PPP3CA: variants seen among roughly 807,000 people sequenced by gnomAD.
PPP3CA encodes the protein protein phosphatase 3 catalytic subunit alpha, also known as CAM-PRP catalytic subunit.
A neutral mutation model predicts 66.5 loss-of-function variants in PPP3CA; 14 were observed. That is an observed-to-expected ratio of 0.21 (90% CI 0.14 to 0.33). The LOEUF (loss-of-function observed/expected upper bound fraction) is 0.33, where lower values mean the gene tolerates loss of function less well. PPP3CA is among the 10% of genes least tolerant of loss of function. PPP3CA has a pLI of 1.00. For synonymous variants in PPP3CA, 232 were observed against 226.2 expected, an observed-to-expected ratio of 1.03 and a Z score of -0.23; for missense variants, 317 against 639.5, an observed-to-expected ratio of 0.50 and a Z score of 5.44.
intron 3 of PPP3CA, among the ~76,000 whole-genome samples, chr4:101,105,444 T>A (rs534821399): frequency 2.6e-5 from 4 of 151,318 alleles, no homozygotes; most frequent in African/African-American, 7.3e-5. Flanking sequence ...AGATTACAGG[T>A]TGAGCCACCA....
chr4:101,175,019 C>T (rs1724013592), intron 2 of PPP3CA, among the ~76,000 whole-genome samples: 4 of 152,012 alleles, frequency 2.6e-5, no homozygotes, highest in Admixed American at 2.6e-4. Flanking sequence ...TAAGGTAAGA[C>T]TTAAAGTCCC....
At chr4:101,144,715 T>A (rs1289205465) in intron 2 of PPP3CA, among the ~76,000 whole-genome samples, 1 of 152,186 alleles carries the variant, frequency 6.6e-6, no homozygotes, top group Non-Finnish European at 1.5e-5. Context: ...ATATAAATGA[T>A]CAACAAACAT....
intron 1 of PPP3CA, among the ~76,000 whole-genome samples, chr4:101,300,313 G>A (rs996075127): frequency 6.6e-6 from 1 of 152,092 alleles, no homozygotes. Flanking sequence ...TATAAAACAG[G>A]TTTAGTCAGA....
At chr4:101,041,643 A>G (rs1727527703) in intron 10 of PPP3CA, among the ~76,000 whole-genome samples, 1 of 152,008 alleles carries the variant, frequency 6.6e-6, no homozygotes. Flanking sequence ...CAGGTTGGTC[A>G]GGCTGGTCTC....
intron 11 of PPP3CA, among the ~76,000 whole-genome samples, chr4:101,038,694 G>A (rs1560573543): frequency 6.6e-6 from 1 of 151,970 alleles, no homozygotes; most frequent in Non-Finnish European, 1.5e-5. Context: ...TTAGTTTATT[G>A]TCTATCTGGC....
chr4:101,201,895 T>C lies in PPP3CA; in HGVS notation c.59-5779A>G, dbSNP rs140829673. 2.4e-3 allele frequency among the ~76,000 whole-genome samples: 359 copies of C among 152,274 alleles called. 1 individual carries two copies. Among genetic ancestry groups the C allele is most frequent in the African/African-American group, 8.4e-3 (348 of 41,552 alleles). The stretch of plus-strand genomic sequence containing the variant: ...TAATCAATCAACCAGCAGCACCTAT[T>C]AGGCACCAACTATGCACTGTATCCC... On this transcript the variant is annotated intron_variant, in intron 1 of 13. Coordinates refer to ENST00000394854, the MANE Select transcript of PPP3CA (RefSeq NM_000944.5).
intron 5 of PPP3CA, among the ~76,000 whole-genome samples, chr4:101,094,199 C>T (rs1344214545): frequency 2.6e-5 from 4 of 152,158 alleles, no homozygotes; most frequent in African/African-American, 7.2e-5. Flanking sequence ...CTCTAGATTT[C>T]GCAGTTTCTC....
At chr4:101,027,815 T>C (rs1726730377) in intron 13 of PPP3CA, among the ~76,000 whole-genome samples, 1 of 152,166 alleles carries the variant, frequency 6.6e-6, no homozygotes, top group Non-Finnish European at 1.5e-5. Flanking sequence ...ACTTCTGGAA[T>C]GGGGCTCCAT....
intron 3 of PPP3CA, among the ~76,000 whole-genome samples, chr4:101,105,168 C>CTT (rs1378147435): frequency 1.4e-5 from 2 of 143,050 alleles, no homozygotes; most frequent in Admixed American, 7.0e-5. Flanking sequence ...CTTTTTTTTC[C>CTT]TTTTTTTTTT....
At chr4:101,283,592 C>T (rs1275338234) in intron 1 of PPP3CA, among the ~76,000 whole-genome samples, 3 of 152,124 alleles carry the variant, frequency 2.0e-5, no homozygotes, top group African/African-American at 4.8e-5. Context: ...TGTGGCAAAC[C>T]GCTCTTAAGA....
At position 101,346,952 on chromosome 4, in the gene PPP3CA, G is replaced by A; in HGVS notation, c.-156C>T. 1.2e-6 allele frequency: 1 copy of A among 826,098 alleles called. No individual in the cohort carries two copies. The highest frequency in any genetic ancestry group is 1.9e-6 in the Non-Finnish European group (1 of 528,326). The allele number at this position is 826,098 out of a possible 1,614,324, so 51.2% of individuals were successfully genotyped here. ...GTCTAGGCTCTGAGCTGGCTTTAAA[G>A]TTGCTGCCTTTTCCGCGCGTCCCTC... is the stretch of plus-strand genomic sequence containing the variant. On this transcript the variant is annotated 5_prime_UTR_variant, in exon 1 of 14. Transcript: ENST00000394854.
chr4:101,089,288 G>A lies in PPP3CA; in HGVS notation c.782+4488C>T, dbSNP rs888010635. Among the ~76,000 whole-genome samples the A allele has an allele frequency of 5.9e-5, 9 of 151,910 alleles. No individual in the cohort carries two copies. The South Asian group carries it at 1.5e-3, about 25-fold the overall frequency. On this transcript the variant is annotated intron_variant, in intron 6 of 13. Transcript: ENST00000394854. ...AGAGGCATCAGGAAGAGAAGGGATCGCCCTGACAAGTCAGAGGAGAATCAG... is the reference window on the plus strand; with the variant it reads ...AGAGGCATCAGGAAGAGAAGGGATCACCCTGACAAGTCAGAGGAGAATCAG...
At chr4:101,319,990 AC>A (rs1017374546) in intron 1 of PPP3CA, among the ~76,000 whole-genome samples, 21 of 152,280 alleles carry the variant, frequency 1.4e-4, no homozygotes, top group African/African-American at 4.3e-4. Flanking sequence ...TATTGTGTAT[AC>A]CTGAATTTCT....
intron 2 of PPP3CA, among the ~76,000 whole-genome samples, chr4:101,141,840 A>G (rs1722818129): frequency 6.6e-6 from 1 of 152,214 alleles, no homozygotes; most frequent in African/African-American, 2.4e-5. Context: ...GACTGCCTCA[A>G]AAAGTTTCTT....
rs113584943 is a variant in PPP3CA, at chr4:101,297,153, T to C, written c.58+49586A>G. 9.0e-3 allele frequency among the ~76,000 whole-genome samples: 1,374 copies of C among 152,350 alleles called. 19 individuals are homozygous for C. The highest frequency in any genetic ancestry group is 0.031 in the African/African-American group (1,309 of 41,588). Reference sequence around the variant, plus strand: ...TTCTTCCTCATTTATAATCGTCTTTTCTTTTTAATGAATTTTGATTGAGAC... The same window carrying C: ...TTCTTCCTCATTTATAATCGTCTTTCCTTTTTAATGAATTTTGATTGAGAC... On this transcript the variant is annotated intron_variant, in intron 1 of 13. Coordinates refer to ENST00000394854, the MANE Select transcript of PPP3CA (RefSeq NM_000944.5).
At chr4:101,047,233 G>T (rs568200617) in intron 10 of PPP3CA, among the ~76,000 whole-genome samples, 1 of 152,046 alleles carries the variant, frequency 6.6e-6, no homozygotes, top group Non-Finnish European at 1.5e-5. Context: ...ACCACCAGGC[G>T]CTTGAGTCCT....
chr4:101,157,924 C>T (rs1723378504), intron 2 of PPP3CA, among the ~76,000 whole-genome samples: 1 of 137,860 alleles, frequency 7.3e-6, no homozygotes, highest in African/African-American at 2.7e-5. Flanking sequence ...CAAAATAGTT[C>T]TATTTTTAAT....
At chr4:101,026,158 G>T in intron 13 of PPP3CA, 97 bp from the exon 14 acceptor site, 1 of 1,025,346 alleles carries the variant, frequency 9.8e-7, no homozygotes, top group Non-Finnish European at 1.4e-6. Context: ...ATTTCTCAGT[G>T]AGAGGGAATC....
At chr4:101,203,909 T>C (rs551321425) in intron 1 of PPP3CA, among the ~76,000 whole-genome samples, 2 of 152,360 alleles carry the variant, frequency 1.3e-5, no homozygotes, top group East Asian at 3.9e-4. Context: ...AAAAAGTTAT[T>C]TTAATGGTTT....
Sources: allele counts gnomAD v4.1 joint callset (sites outside exome capture counted in the v4.1 genomes callset), GRCh38; gene constraint gnomAD v4.1.1; transcripts MANE v1.5; gene names NCBI Gene and HGNC (gene_info 2026-07-23, HGNC 2026-07-21).